Variants in DCC observed in about 807,000 individuals in gnomAD.
DCC encodes netrin receptor DCC.
A neutral mutation model predicts 172.5 loss-of-function variants in DCC; 58 were observed. That is an observed-to-expected ratio of 0.34 (90% CI 0.27 to 0.42). The LOEUF is 0.42. Ranked by LOEUF, DCC falls within the 10% of genes least tolerant of loss-of-function variation. DCC has a pLI of 1.00. For synonymous variants in DCC, 709 were observed against 644.5 expected (o/e 1.10, Z -1.52); for missense variants, 1,740 against 1,791.0 (o/e 0.97, Z 0.51).
At chr18:53,228,082 G>C (rs1032719003) in intron 12 of DCC, among the ~76,000 whole-genome samples, 1 of 152,050 alleles carries the variant, frequency 6.6e-6, no homozygotes, top group Non-Finnish European at 1.5e-5. Flanking sequence ...CATGACTACA[G>C]TATCAACATG....
At chr18:53,229,311 T>C (rs2144611715) in intron 12 of DCC, among the ~76,000 whole-genome samples, 1 of 152,296 alleles carries the variant, frequency 6.6e-6, no homozygotes, top group Non-Finnish European at 1.5e-5. Flanking sequence ...GGTTGTACTG[T>C]CTTGCAAGAA....
At chr18:52,520,823 A>G (rs924029645) in intron 1 of DCC, among the ~76,000 whole-genome samples, 2 of 152,158 alleles carry the variant, frequency 1.3e-5, no homozygotes, top group African/African-American at 2.4e-5. Flanking sequence ...GTGCCTTACA[A>G]TAATAGTTTG....
intron 2 of DCC, among the ~76,000 whole-genome samples, chr18:52,790,624 C>T (rs568065386): frequency 6.6e-6 from 1 of 152,168 alleles, no homozygotes. Context: ...CCACACCATA[C>T]AAAAGTCTGG....
rs183736799 is a variant in DCC, at chr18:52,781,699, C to A, written c.412+29325C>A. Among the ~76,000 whole-genome samples the A allele has an allele frequency of 3.9e-5, 6 of 152,188 alleles. No homozygotes were observed. In the East Asian group the frequency reaches 7.7e-4, roughly 20 times the overall value. On this transcript the variant is annotated intron_variant, in intron 2 of 28. Coordinates refer to ENST00000442544, the MANE Select transcript of DCC (RefSeq NM_005215.4). ...TTCATTTTATTTATCTCTTATAAAG[C>A]TTAATAAACAGCTATAGAGATCTTT...
chr18:53,480,950 G>A (rs1308741534), intron 25 of DCC: 1 of 152,190 alleles, frequency 6.6e-6, no homozygotes, highest in African/African-American at 2.4e-5. Context: ...TTCTTTCAGT[G>A]TCTTGAGCTG....
chr18:52,488,568 A>G (rs562573680), intron 1 of DCC, among the ~76,000 whole-genome samples: 8 of 152,200 alleles, frequency 5.3e-5, no homozygotes, highest in Non-Finnish European at 1.2e-4. Flanking sequence ...CTGCTTTGTC[A>G]TTTCTCTAGA....
At chr18:53,029,835 C>A (rs1427167360) in intron 5 of DCC, among the ~76,000 whole-genome samples, 1 of 152,052 alleles carries the variant, frequency 6.6e-6, no homozygotes, top group Non-Finnish European at 1.5e-5. Context: ...CATCATCATT[C>A]GTCATCATCT....
intron 1 of DCC, among the ~76,000 whole-genome samples, chr18:52,721,660 C>T (rs1490104001): frequency 6.6e-6 from 1 of 152,188 alleles, no homozygotes; most frequent in African/African-American, 2.4e-5. Context: ...TTTCATGCCC[C>T]TTAAGCCCCC....
intron 2 of DCC, among the ~76,000 whole-genome samples, chr18:52,773,006 G>A (rs892420391): frequency 2.6e-5 from 4 of 152,160 alleles, no homozygotes; most frequent in African/African-American, 9.7e-5. Context: ...ATGGCAGATT[G>A]ACTGTATGGC....
At chr18:52,903,140 C>T (rs546288010) in intron 2 of DCC, among the ~76,000 whole-genome samples, 4 of 152,282 alleles carry the variant, frequency 2.6e-5, no homozygotes, top group African/African-American at 9.6e-5. Flanking sequence ...GCTCTAGAAC[C>T]TACTTGCAAA....
At chr18:52,991,225 A>G (rs28399882) in intron 5 of DCC, among the ~76,000 whole-genome samples, 28,329 of 152,146 alleles carry the variant, frequency 0.19, 3,110 homozygotes, top group African/African-American at 0.31. Flanking sequence ...ACTCACAATC[A>G]TGCAATTGGT....
intron 5 of DCC, among the ~76,000 whole-genome samples, chr18:52,943,314 T>A (rs2040491794): frequency 6.6e-6 from 1 of 152,180 alleles, no homozygotes; most frequent in South Asian, 2.1e-4. Context: ...ACATTTTCTT[T>A]ATGTAGAATT....
chr18:53,286,423 G>T (rs577514156), intron 12 of DCC, among the ~76,000 whole-genome samples: 3 of 152,140 alleles, frequency 2.0e-5, no homozygotes, highest in Non-Finnish European at 4.4e-5. Context: ...ACCATCATGA[G>T]ATATGTGCCT....
chr18:53,052,626 G>A lies in DCC; in HGVS notation c.986-10679G>A, dbSNP rs180913572. Among the ~76,000 whole-genome samples the A allele has an allele frequency of 2.0e-5, 3 of 152,116 alleles. No homozygotes were observed. The East Asian group carries it at 5.8e-4, about 30-fold the overall frequency. On this transcript the variant is annotated intron_variant, in intron 5 of 28. Transcript: ENST00000442544. Reference sequence around the variant, plus strand: ...CGTTTTGTGTACTTTTAAATAACCAGGCATGGTAGGGGAATGAGTTTAGTT... The same window carrying A: ...CGTTTTGTGTACTTTTAAATAACCAAGCATGGTAGGGGAATGAGTTTAGTT...
In DCC at chr18:52,458,660, C is replaced by T. The variant is rs347534; in HGVS notation, c.91+117782C>T. ...AGAGATTCATTCAGAATAAAGAATA[C>T]GTGCTTCAATGAAACAGCTTGACTA... On this transcript the variant is annotated intron_variant, in intron 1 of 28. Coordinates refer to ENST00000442544, the MANE Select transcript of DCC (RefSeq NM_005215.4). Among the ~76,000 whole-genome samples the T allele has an allele frequency of 7.4e-3, 1,124 of 152,182 alleles. 14 individuals are homozygous for T. Among genetic ancestry groups the T allele is most frequent in the African/African-American group, 0.026 (1,070 of 41,520 alleles).
At chr18:53,142,853 T>G (rs2043851282) in intron 7 of DCC, among the ~76,000 whole-genome samples, 1 of 152,226 alleles carries the variant, frequency 6.6e-6, no homozygotes, top group African/African-American at 2.4e-5. Context: ...TGCATTTATT[T>G]GTGATGTCTT....
intron 7 of DCC, among the ~76,000 whole-genome samples, chr18:53,091,994 T>G (rs2043020621): frequency 1.3e-5 from 2 of 151,392 alleles, no homozygotes; most frequent in Non-Finnish European, 2.9e-5. Flanking sequence ...ATCTTGGCCT[T>G]TGAGATCATT....
intron 1 of DCC, among the ~76,000 whole-genome samples, chr18:52,744,610 T>C (rs1221364014): frequency 2.0e-5 from 3 of 152,162 alleles, no homozygotes; most frequent in Non-Finnish European, 2.9e-5. Context: ...TCAAAGTGAA[T>C]AAAATGGCAC....
chr18:53,383,729 A>T (rs1322988129), intron 15 of DCC, among the ~76,000 whole-genome samples: 2 of 151,750 alleles, frequency 1.3e-5, no homozygotes, highest in Non-Finnish European at 2.9e-5. Context: ...TACAATTTTG[A>T]GTTCAAACTT....
Sources: allele counts gnomAD v4.1 joint callset (sites outside exome capture counted in the v4.1 genomes callset), GRCh38; gene constraint gnomAD v4.1.1; transcripts MANE v1.5; gene names NCBI Gene and HGNC (gene_info 2026-07-23, HGNC 2026-07-21).